The following FREY1 variants were observed in gnomAD, a reference collection of about 807,000 sequenced individuals.
FREY1 encodes Frey regulator of sperm-oocyte fusion 1.
At chr11:45,906,899 G>C in the FREY1 span, 8 of 1,613,908 alleles carry the variant, frequency 5.0e-6, no homozygotes, top group Non-Finnish European at 6.8e-6. Context: ...GGCTGCGAGA[G>C]TTCCAGGGGG....
the FREY1 span, chr11:45,907,222 A>G: frequency 6.4e-7 from 1 of 1,554,142 alleles, no homozygotes; most frequent in Non-Finnish European, 8.7e-7. Flanking sequence ...GGGGGTGCAG[A>G]GCCCCCAGCA....
the FREY1 span, chr11:45,906,775 G>C: frequency 6.2e-7 from 1 of 1,601,426 alleles, no homozygotes. Context: ...TGTGGTTTGG[G>C]ATGACAAGCC....
chr11:45,907,058 C>A, the FREY1 span: 1 of 1,531,192 alleles, frequency 6.5e-7, no homozygotes. Context: ...GCCCAGGGTA[C>A]CAGGGCCAGC....
chr11:45,906,662 C>T, the FREY1 span: 9 of 1,591,004 alleles, frequency 5.7e-6, no homozygotes, highest in South Asian at 1.0e-4. Context: ...GCCCTCGCGG[C>T]CTTGGGTGCT....
chr11:45,906,616 G>C, the FREY1 span: 2 of 1,588,926 alleles, frequency 1.3e-6, no homozygotes, highest in East Asian at 2.3e-5. Flanking sequence ...GGCCCGTCCC[G>C]CTTGCGCTGC....
the FREY1 span, chr11:45,906,613 C>T: frequency 6.3e-7 from 1 of 1,585,998 alleles, no homozygotes; most frequent in Non-Finnish European, 8.6e-7. Context: ...TCGGGCCCGT[C>T]CCGCTTGCGC....
At chr11:45,906,783 GC>G in the FREY1 span, 1 of 1,603,020 alleles carries the variant, frequency 6.2e-7, no homozygotes, top group Non-Finnish European at 8.5e-7. Context: ...GGGATGACAA[GC>G]CCCTGAAGGC....
chr11:45,906,815 G>A, the FREY1 span: 1 of 1,611,054 alleles, frequency 6.2e-7, no homozygotes, highest in East Asian at 2.2e-5. Flanking sequence ...GCACCTCTTA[G>A]GGGCGTCTCC....
chr11:45,906,875 C>G, the FREY1 span: 21 of 1,613,752 alleles, frequency 1.3e-5, no homozygotes, highest in Non-Finnish European at 1.8e-5. Context: ...CTACCATCCA[C>G]CAGGCCGGAA....
At chr11:45,907,235 G>C in the FREY1 span, 2 of 1,551,034 alleles carry the variant, frequency 1.3e-6, no homozygotes, top group Non-Finnish European at 1.7e-6. Context: ...CCCCAGCATG[G>C]CGAGAACCAT....
chr11:45,906,725 G>GC, the FREY1 span: 1 of 1,576,056 alleles, frequency 6.3e-7, no homozygotes, highest in Non-Finnish European at 8.6e-7. Context: ...GTGGTAGGGG[G>GC]CAGCTGGCTC....
chr11:45,906,956 C>CG, the FREY1 span: 1 of 1,613,552 alleles, frequency 6.2e-7, no homozygotes, highest in Non-Finnish European at 8.5e-7. Flanking sequence ...TGGGAGATGT[C>CG]GGGGTGCTCA....
At chr11:45,907,209 C>T in the FREY1 span, 2 of 1,555,452 alleles carry the variant, frequency 1.3e-6, no homozygotes, top group Non-Finnish European at 1.7e-6. Flanking sequence ...CTGAGCCCAG[C>T]CCGGGGGTGC....
the FREY1 span, chr11:45,907,003 A>G: frequency 6.3e-7 from 1 of 1,591,424 alleles, no homozygotes; most frequent in African/African-American, 1.3e-5. Flanking sequence ...CTCCTTGTGA[A>G]TGGGGGGATG....
the FREY1 span, chr11:45,906,883 G>C: frequency 3.1e-6 from 5 of 1,613,800 alleles, no homozygotes; most frequent in South Asian, 4.4e-5. Flanking sequence ...CACCAGGCCG[G>C]AAAGTGGCTG....
At chr11:45,906,976 CAGA>C in the FREY1 span, 3 of 1,611,310 alleles carry the variant, frequency 1.9e-6, no homozygotes, top group Admixed American at 1.7e-5. Context: ...AGCCCTGGCC[CAGA>C]AGGCCACCGC....
chr11:45,906,867 ACCAT>A, the FREY1 span: 3,989 of 1,613,752 alleles, frequency 2.5e-3, 5 homozygotes, highest in Non-Finnish European at 2.9e-3. Flanking sequence ...GAGAGATACT[ACCAT>A]CCACCAGGCC....
chr11:45,906,921 C>T, the FREY1 span: 6 of 1,613,706 alleles, frequency 3.7e-6, no homozygotes, highest in Non-Finnish European at 5.1e-6. Context: ...CGGAAAATGC[C>T]TCAGGAACAG....
the FREY1 span, chr11:45,906,657 C>T: frequency 1.2e-5 from 19 of 1,592,556 alleles, no homozygotes; most frequent in East Asian, 1.1e-4. Flanking sequence ...TCGAGGCCCT[C>T]GCGGCCTTGG....
Sources: gnomAD v4.1 joint callset for allele counts on GRCh38, gnomAD v4.1.1 for gene constraint, MANE v1.5 for transcripts, NCBI Gene and HGNC (gene_info 2026-07-23, HGNC 2026-07-21) for gene names.